Variants in TAMM41 observed in about 807,000 individuals in gnomAD.
TAMM41 encodes the protein phosphatidate cytidylyltransferase, mitochondrial.
A neutral mutation model predicts 44.1 loss-of-function variants in TAMM41; 36 were observed. The ratio of observed to expected loss-of-function variants is 0.82; its 90% CI spans 0.63 to 1.08. The LOEUF is 1.08. TAMM41 is among the 50% of genes least tolerant of loss of function. The pLI is 0.00. For synonymous variants in TAMM41, 164 were observed against 153.1 expected, an observed-to-expected ratio of 1.07 and a Z score of -0.53; for missense variants, 417 against 404.3, an observed-to-expected ratio of 1.03 and a Z score of -0.27.
chr3:11,788,790 A>C (rs930181491), downstream of TAMM41, among the ~76,000 whole-genome samples: 9 of 152,036 alleles, frequency 5.9e-5, no homozygotes, highest in East Asian at 1.7e-3. Context: ...AGAAAAAATT[A>C]GCTGGGCGTG....
At chr3:11,726,704 G>A in the TAMM41 span, among the ~76,000 whole-genome samples, 2 of 151,808 alleles carry the variant, frequency 1.3e-5, no homozygotes, top group South Asian at 2.1e-4. Flanking sequence ...TTGGGAGGCT[G>A]AGGCAGGAGA....
chr3:11,790,043 C>T (rs956506517), downstream of TAMM41, among the ~76,000 whole-genome samples: 1 of 152,124 alleles, frequency 6.6e-6, no homozygotes, highest in Non-Finnish European at 1.5e-5. Flanking sequence ...CAAAGAAACA[C>T]ACGAAAAGCC....
At chr3:11,749,169 T>C in the TAMM41 span, among the ~76,000 whole-genome samples, 7 of 152,170 alleles carry the variant, frequency 4.6e-5, no homozygotes, top group African/African-American at 7.2e-5. Flanking sequence ...CACCTTGGCC[T>C]ACCAAAGTGC....
the TAMM41 span, among the ~76,000 whole-genome samples, chr3:11,781,214 T>C: frequency 6.6e-6 from 1 of 152,208 alleles, no homozygotes; most frequent in African/African-American, 2.4e-5. Flanking sequence ...TGTAGCTCAG[T>C]TGTCACAGTA....
At chr3:11,732,944 G>A in the TAMM41 span, among the ~76,000 whole-genome samples, 1 of 152,064 alleles carries the variant, frequency 6.6e-6, no homozygotes, top group South Asian at 2.1e-4. Context: ...ACATGCCAAG[G>A]GAAGCCACTT....
chr3:11,733,494 G>C, the TAMM41 span, among the ~76,000 whole-genome samples: 1 of 150,816 alleles, frequency 6.6e-6, no homozygotes, highest in Non-Finnish European at 1.5e-5. Flanking sequence ...GGGGTGTCCT[G>C]AGATTTTTTT....
At chr3:11,764,749 C>T in the TAMM41 span, among the ~76,000 whole-genome samples, 1 of 152,156 alleles carries the variant, frequency 6.6e-6, no homozygotes, top group Non-Finnish European at 1.5e-5. Flanking sequence ...GCCTCGGTCT[C>T]CCAAAGTGCT....
rs138144645 is a variant in TAMM41, at chr3:11,838,127, G to T, written c.411+1095C>A. ...AGTCCAGGCTGCCTGTACTCTGATC[G>T]TTCACTTGAAAGGGATGGGGGCTAC... On this transcript the variant is annotated intron_variant, in intron 3 of 7. Transcript: ENST00000455809. Among the ~76,000 whole-genome samples, 666 of 152,224 alleles carry T rather than the reference G, an allele frequency of 4.4e-3. 7 individuals are homozygous for T. The highest frequency in any genetic ancestry group is 7.0e-3 in the Non-Finnish European group (478 of 68,010).
chr3:11,750,102 T>C, the TAMM41 span, among the ~76,000 whole-genome samples: 2 of 151,956 alleles, frequency 1.3e-5, no homozygotes, highest in Non-Finnish European at 2.9e-5. Context: ...TTCACTGTGT[T>C]AGCCAGGATG....
downstream of TAMM41, among the ~76,000 whole-genome samples, chr3:11,787,949 T>A (rs1483756762): frequency 1.3e-5 from 2 of 152,130 alleles, no homozygotes; most frequent in Non-Finnish European, 2.9e-5. Context: ...TCACCTTAGA[T>A]TGAGGAAAAG....
chr3:11,832,986 A>G, intron 3 of TAMM41: 1 of 1,025,064 alleles, frequency 9.8e-7, no homozygotes, highest in Non-Finnish European at 1.2e-6. Context: ...AGAGGATGAA[A>G]ATAAAAGCAT....
At chr3:11,795,811 A>T (rs1250013338) in intron 7 of TAMM41, among the ~76,000 whole-genome samples, 1 of 152,210 alleles carries the variant, frequency 6.6e-6, no homozygotes, top group Non-Finnish European at 1.5e-5. Context: ...GCAGTTGCTT[A>T]GCTGGTCTTT....
chr3:11,729,539 A>ATTTTTTT, the TAMM41 span, among the ~76,000 whole-genome samples: 44 of 32,282 alleles, frequency 1.4e-3, 4 homozygotes, highest in Non-Finnish European at 2.1e-3. Flanking sequence ...TCTTTCTTTC[A>ATTTTTTT]TTTTTTTTTT....
chr3:11,779,009 T>G, the TAMM41 span, among the ~76,000 whole-genome samples: 1 of 152,084 alleles, frequency 6.6e-6, no homozygotes, highest in Non-Finnish European at 1.5e-5. Flanking sequence ...ACGTTGGAAA[T>G]GGGGCCTAAT....
At chr3:11,755,007 T>G in the TAMM41 span, among the ~76,000 whole-genome samples, 1 of 152,136 alleles carries the variant, frequency 6.6e-6, no homozygotes, top group African/African-American at 2.4e-5. Context: ...GCCTCAGATC[T>G]CTCTTCTCCT....
rs59264364 is a variant in TAMM41 at position 11,795,588 on chromosome 3, G to A, written c.938-5007C>T. Reference sequence around the variant, plus strand: ...TATGCTCTAACTACGGTAGTCTTTCGGCAGTCCTATGGTGACTTCCCTCTG... The same window carrying A: ...TATGCTCTAACTACGGTAGTCTTTCAGCAGTCCTATGGTGACTTCCCTCTG... On this transcript the variant is annotated intron_variant, in intron 7 of 7. Coordinates refer to ENST00000455809, the MANE Select transcript of TAMM41 (RefSeq NM_001284401.2). Among the ~76,000 whole-genome samples the A allele has an allele frequency of 5.0e-3, 762 of 152,102 alleles. 5 individuals are homozygous for A. The highest frequency in any genetic ancestry group is 0.034 in the Middle Eastern group (10 of 294).
At chr3:11,793,918 T>C (rs186630979) in intron 7 of TAMM41, among the ~76,000 whole-genome samples, 331 of 152,326 alleles carry the variant, frequency 2.2e-3, no homozygotes, top group African/African-American at 7.7e-3. Flanking sequence ...ATCAGATTTA[T>C]GATTTTTGCA....
intron 1 of TAMM41, chr3:11,845,008 A>T (rs1437013213): frequency 2.2e-6 from 1 of 456,544 alleles, no homozygotes; most frequent in African/African-American, 2.0e-5. Flanking sequence ...CACTGGGGGA[A>T]GCACAGGGAA....
At chr3:11,804,996 C>CTTTT (rs1156555980) in intron 7 of TAMM41, among the ~76,000 whole-genome samples, 3 of 103,062 alleles carry the variant, frequency 2.9e-5, no homozygotes, top group Non-Finnish European at 3.9e-5. Flanking sequence ...ACGCCCAGCC[C>CTTTT]TTTTTTTTTT....
Sources: gnomAD v4.1 joint callset for allele counts (sites outside exome capture counted in the v4.1 genomes callset) on GRCh38, gnomAD v4.1.1 for gene constraint, MANE v1.5 for transcripts, NCBI Gene and HGNC (gene_info 2026-07-23, HGNC 2026-07-21) for gene names.